The following RGS6 variants were observed in gnomAD, a reference collection of about 807,000 sequenced individuals.
RGS6 encodes the protein regulator of G-protein signaling 6.
In RGS6, 30 loss-of-function variants were observed where a neutral mutation model predicts 78.5. The ratio of observed to expected loss-of-function variants is 0.38; its 90% confidence interval spans 0.29 to 0.52. The LOEUF is 0.52. Ranked by LOEUF, RGS6 falls within the 20% of genes least tolerant of loss-of-function variation. The pLI is 0.85. For synonymous variants in RGS6, 206 were observed against 206.0 expected, an observed-to-expected ratio of 1.00 and a Z score of 0.00; for missense variants, 495 against 609.7, an observed-to-expected ratio of 0.81 and a Z score of 1.98.
chr14:72,509,087 G>A (rs373697580), intron 13 of RGS6, among the ~76,000 whole-genome samples: 52 of 152,202 alleles, frequency 3.4e-4, no homozygotes, highest in African/African-American at 1.1e-3. Context: ...AACTGGGGCC[G>A]GGTGCAGTGG....
At chr14:72,487,988 T>C (rs1167754992) in intron 12 of RGS6, among the ~76,000 whole-genome samples, 2 of 152,194 alleles carry the variant, frequency 1.3e-5, no homozygotes, top group East Asian at 3.8e-4. Context: ...CCCCAATACG[T>C]GTATGTCTCA....
chr14:72,489,156 G>GACCCCC (rs779527255), intron 12 of RGS6, among the ~76,000 whole-genome samples: 1 of 142,002 alleles, frequency 7.0e-6, no homozygotes, highest in Admixed American at 7.3e-5. Flanking sequence ...GACAAAGGGG[G>GACCCCC]CCCCCCCACC....
intron 2 of RGS6, among the ~76,000 whole-genome samples, chr14:72,208,234 T>C (rs1394207041): frequency 6.6e-6 from 1 of 152,192 alleles, no homozygotes. Context: ...ATGCTAGGCT[T>C]ACTGCTATTG....
intron 2 of RGS6, among the ~76,000 whole-genome samples, chr14:72,249,537 A>G (rs573517590): frequency 6.6e-6 from 1 of 152,332 alleles, no homozygotes; most frequent in African/African-American, 2.4e-5. Flanking sequence ...CTGGTTTCCT[A>G]CAATCATATG....
chr14:71,992,225 GTT>G (rs2094987625), intron 2 of RGS6, among the ~76,000 whole-genome samples: 1 of 152,114 alleles, frequency 6.6e-6, no homozygotes, highest in Non-Finnish European at 1.5e-5. Context: ...TATAGACAGA[GTT>G]TTGCCATGTT....
the RGS6 span, among the ~76,000 whole-genome samples, chr14:71,921,006 A>G: frequency 1.3e-5 from 2 of 152,344 alleles, no homozygotes; most frequent in East Asian, 3.9e-4. Context: ...GAAACTCAAT[A>G]GCAAGAAAAT....
rs1172167698 is a variant in RGS6 at position 72,565,098 on chromosome 14, T to G, written c.*2631T>G. The stretch of plus-strand genomic sequence containing the variant: ...TACACAGCCAAAAATTCAGACTAGA[T>G]TAGATGTTTGCAGGCAATTCTGTAG... On this transcript the variant is annotated 3_prime_UTR_variant, in exon 18 of 18. Coordinates refer to ENST00000553525, the MANE Select transcript of RGS6 (RefSeq NM_001204424.2). 1 of 152,206 alleles carries G rather than the reference T, an allele frequency of 6.6e-6. No individual in the cohort carries two copies. Among genetic ancestry groups the G allele is most frequent in the African/African-American group, 2.4e-5 (1 of 41,452 alleles). The allele number at this position is 152,206 out of a possible 1,614,324, so 9.4% of individuals were successfully genotyped here.
At chr14:72,235,627 A>G (rs1219337055) in intron 2 of RGS6, among the ~76,000 whole-genome samples, 3 of 152,248 alleles carry the variant, frequency 2.0e-5, no homozygotes, top group African/African-American at 4.8e-5. Flanking sequence ...TTAGGCATTG[A>G]TATCTAAGAG....
intron 2 of RGS6, among the ~76,000 whole-genome samples, chr14:72,330,710 C>G (rs921316274): frequency 3.3e-5 from 5 of 152,154 alleles, no homozygotes; most frequent in African/African-American, 1.2e-4. Flanking sequence ...GCATGCTTGT[C>G]AGAATGAATT....
At chr14:72,192,978 G>A (rs1458880201) in intron 2 of RGS6, among the ~76,000 whole-genome samples, 1 of 138,434 alleles carries the variant, frequency 7.2e-6, no homozygotes, top group Non-Finnish European at 1.6e-5. Flanking sequence ...CTGCTGGGTT[G>A]GGTTTTTTTT....
chr14:72,011,937 CTTTTT>C (rs908607868), intron 2 of RGS6, among the ~76,000 whole-genome samples: 2 of 151,960 alleles, frequency 1.3e-5, no homozygotes, highest in South Asian at 4.2e-4. Flanking sequence ...GTTCTATTTA[CTTTTT>C]TTTGTTTTTC....
chr14:72,236,283 A>T (rs533663735), intron 2 of RGS6, among the ~76,000 whole-genome samples: 1 of 152,234 alleles, frequency 6.6e-6, no homozygotes, highest in South Asian at 2.1e-4. Flanking sequence ...CCATGTATTC[A>T]TCCCTCTCTT....
intron 2 of RGS6, among the ~76,000 whole-genome samples, chr14:71,972,685 A>G (rs1300473903): frequency 6.6e-6 from 1 of 152,068 alleles, no homozygotes; most frequent in Admixed American, 6.6e-5. Context: ...AAGTGGTAGG[A>G]TTGGAGGTAG....
chr14:72,324,755 T>C (rs1226541300), intron 2 of RGS6, among the ~76,000 whole-genome samples: 2 of 152,086 alleles, frequency 1.3e-5, no homozygotes, highest in South Asian at 2.1e-4. Flanking sequence ...CAGTCTATCA[T>C]GGATGGACAT....
At chr14:71,884,034 A>G in the RGS6 span, among the ~76,000 whole-genome samples, 1 of 152,156 alleles carries the variant, frequency 6.6e-6, no homozygotes, top group Non-Finnish European at 1.5e-5. Flanking sequence ...TTCTTTCTTA[A>G]TAAACTTGCT....
chr14:72,512,747 G>A (rs189330929), intron 14 of RGS6, among the ~76,000 whole-genome samples: 5 of 152,262 alleles, frequency 3.3e-5, no homozygotes, highest in Admixed American at 3.3e-4. Flanking sequence ...AAGCTCAGTC[G>A]TAAATCACAT....
At chr14:72,213,862 G>T (rs951451291) in intron 2 of RGS6, among the ~76,000 whole-genome samples, 3 of 152,100 alleles carry the variant, frequency 2.0e-5, no homozygotes, top group African/African-American at 2.4e-5. Flanking sequence ...CCTAAGTCTA[G>T]GTTTGTTTTT....
chr14:72,373,731 T>C (rs958181720), intron 3 of RGS6, among the ~76,000 whole-genome samples: 1 of 152,112 alleles, frequency 6.6e-6, no homozygotes, highest in South Asian at 2.1e-4. Flanking sequence ...CCCTAGAAAA[T>C]TCCTAATTCC....
At chr14:72,615,717 G>T in the RGS6 span, among the ~76,000 whole-genome samples, 1 of 152,212 alleles carries the variant, frequency 6.6e-6, no homozygotes, top group Non-Finnish European at 1.5e-5. Flanking sequence ...GGAGCCTTGG[G>T]ACCTGCTGGC....
Sources: gnomAD v4.1 joint callset for allele counts (sites outside exome capture counted in the v4.1 genomes callset) on GRCh38, gnomAD v4.1.1 for gene constraint, MANE v1.5 for transcripts, NCBI Gene and HGNC (gene_info 2026-07-23, HGNC 2026-07-21) for gene names.